MEX3A: variants seen among roughly 807,000 people sequenced by gnomAD.
MEX3A encodes the protein mex-3 RNA binding family member A.
A neutral mutation model predicts 30.0 loss-of-function variants in MEX3A; 4 were observed. That is an observed-to-expected ratio of 0.13 (90% CI 0.07 to 0.30). The LOEUF (loss-of-function observed/expected upper bound fraction) is 0.30. MEX3A is among the 10% of genes least tolerant of loss of function. The pLI, the probability that MEX3A is intolerant of heterozygous loss-of-function variation, is 1.00. For missense variants in MEX3A, 555 were observed against 736.7 expected (o/e 0.75, Z 2.86); for synonymous variants, 335 against 327.6 (o/e 1.02, Z -0.24).
Position 156,076,657 on chromosome 1 carries a change from C to T in MEX3A, c.1480G>A (p.Ala494Thr), listed in dbSNP as rs1222845697. Residue 494 changes from alanine to threonine, a missense_variant, in exon 2 of 2, where the codon GCA becomes ACA. Physicochemically the swap from Ala to Thr is moderately conservative, Grantham distance 58. Coordinates refer to ENST00000532414, the MANE Select transcript of MEX3A (RefSeq NM_001093725.2). The surrounding 1 kb of genome is among the most constrained non-coding windows in gnomAD (Gnocchi z 6.0). ...CGHNLFCMEC[A>T]VRICERTDPE... ...TCCGTCCTCTCGCAGATGCGTACTG[C>T]ACACTCCATGCAGAACAGGTTGTGT... The T allele has an allele frequency of 6.2e-7, 1 of 1,614,010 alleles. No homozygotes were observed. The highest frequency in any genetic ancestry group is 8.5e-7 in the Non-Finnish European group (1 of 1,179,904).
At position 156,076,446 on chromosome 1, in the gene MEX3A, C is replaced by A. The variant is rs112037805; in HGVS notation, c.*128G>T. The A allele has an allele frequency of 6.5e-5, 64 of 992,124 alleles. No individual in the cohort carries two copies. Among genetic ancestry groups the A allele is most frequent in the Non-Finnish European group, 8.6e-5 (60 of 695,168 alleles). The allele number at this position is 992,124 out of a possible 1,614,324, so 61.5% of individuals were successfully genotyped here. A position where few individuals can be genotyped will look rare whatever the true frequency, so the allele number is the denominator to read the frequency against. On this transcript the variant is annotated 3_prime_UTR_variant, in exon 2 of 2. Transcript: ENST00000532414. This position sits in a 1 kb window ranked among gnomAD's most constrained non-coding sequence, Gnocchi z 6.0. ...TCCAGCCACCACTGCCTCCCTCCCC[C>A]CTTCCCCAGCGAGCGAGTATCTCTA...
At position 156,076,531 on chromosome 1, in the gene MEX3A, G is replaced by A; in HGVS notation, c.*43C>T. ...GGCTTTAGTGGAAAACAGGTCCAGG[G>A]TGGGCCCAGTGGAGTGGGCCCCGGA... On this transcript the variant is annotated 3_prime_UTR_variant, in exon 2 of 2. Coordinates refer to ENST00000532414, the MANE Select transcript of MEX3A (RefSeq NM_001093725.2). This position sits in a 1 kb window ranked among gnomAD's most constrained non-coding sequence, Gnocchi z 6.0. The A allele has an allele frequency of 6.4e-7, 1 of 1,554,306 alleles. No individual in the cohort carries two copies.
At position 156,075,591 on chromosome 1, in the gene MEX3A, T is replaced by A. The variant is rs1383736464; in HGVS notation, c.*983A>T. 6.6e-6 allele frequency: 1 copy of A among 152,386 alleles called. No individual in the cohort carries two copies. Among genetic ancestry groups the A allele is most frequent in the Non-Finnish European group, 1.5e-5 (1 of 67,986 alleles). 9.4% of individuals were successfully genotyped at this position (152,386 alleles called of 1,614,324 possible). A position where few individuals can be genotyped will look rare whatever the true frequency, so the allele number is the denominator to read the frequency against. On this transcript the variant is annotated 3_prime_UTR_variant, in exon 2 of 2. Coordinates refer to ENST00000532414, the MANE Select transcript of MEX3A (RefSeq NM_001093725.2). The stretch of plus-strand genomic sequence containing the variant: ...AATTTGAGATGTTTCTTTGGAGGAG[T>A]GGGGGAGAGGGCCTCCAGATGCCTG...
chr1:156,077,831 G>T lies in MEX3A; in HGVS notation c.455-149C>A. The T allele has an allele frequency of 1.7e-6, 2 of 1,189,912 alleles. No individual in the cohort carries two copies. Among genetic ancestry groups the T allele is most frequent in the Non-Finnish European group, 2.3e-6 (2 of 878,676 alleles). 73.7% of individuals were successfully genotyped at this position (1,189,912 alleles called of 1,614,324 possible). Reference sequence around the variant, plus strand: ...TGAAATGCCCACTGCTGCACACACAGTCCACCCTGACTTGAAGAAACCATT... The same window carrying T: ...TGAAATGCCCACTGCTGCACACACATTCCACCCTGACTTGAAGAAACCATT... On this transcript the variant is annotated intron_variant, in intron 1 of 1. Transcript: ENST00000532414. This position sits in a 1 kb window ranked among gnomAD's most constrained non-coding sequence, Gnocchi z 8.3.
chr1:156,081,775 G>T lies in MEX3A; in HGVS notation c.224C>A (p.Ala75Asp). Residue 75 changes from alanine (A) to aspartate (D), a missense_variant, in exon 1 of 2, where the codon GCC becomes GAC. Around this residue, in one of 6 missense-constraint regions of MEX3A, gnomAD observed 159 missense variants for 159.9 expected, o/e 0.99. Coordinates refer to ENST00000532414, the MANE Select transcript of MEX3A (RefSeq NM_001093725.2). Reference protein sequence around the residue: ...GGGGAPAQPAAPPQPAPPPPP... With the variant: ...GGGGAPAQPADPPQPAPPPPP... ...CGGCGGCGGGGCCGGCTGCGGGGGGGCGGCCGGCTGCGCGGGGGCGCCGCC... is the reference window on the plus strand; with the variant it reads ...CGGCGGCGGGGCCGGCTGCGGGGGGTCGGCCGGCTGCGCGGGGGCGCCGCC... 1.2e-6 allele frequency: 1 copy of T among 832,026 alleles called. No individual in the cohort carries two copies. The highest frequency in any genetic ancestry group is 1.5e-6 in the Non-Finnish European group (1 of 684,110). The allele number at this position is 832,026 out of a possible 1,614,324, so 51.5% of individuals were successfully genotyped here.
rs987004695 is a variant in MEX3A, at chr1:156,074,232, A to G, written c.*2342T>C. The G allele has an allele frequency of 3.9e-5, 6 of 152,164 alleles. No individual in the cohort carries two copies. In the East Asian group the frequency reaches 1.2e-3, roughly 29 times the overall value. The allele number at this position is 152,164 out of a possible 1,614,324, so 9.4% of individuals were successfully genotyped here. ...TCCCTACATATATTCTAAACCTTCTAAAGTTTTTTTATTTTTTTAAGGATC... is the reference window on the plus strand; with the variant it reads ...TCCCTACATATATTCTAAACCTTCTGAAGTTTTTTTATTTTTTTAAGGATC... On this transcript the variant is annotated 3_prime_UTR_variant, in exon 2 of 2. Transcript: ENST00000532414.
intron 1 of MEX3A, among the ~76,000 whole-genome samples, chr1:156,080,491 C>G (rs1558102050): frequency 6.6e-6 from 1 of 152,192 alleles, no homozygotes; most frequent in Non-Finnish European, 1.5e-5. Context: ...CACTGTGGGA[C>G]AGCTCCTCCC....
In MEX3A at chr1:156,075,627, G is replaced by T. The variant is rs1178539053; in HGVS notation, c.*947C>A. ...GCCTCCAGATGCCTGAAGAGGAATG[G>T]AGGGACCATCCAAATATTCCTCCCC... On this transcript the variant is annotated 3_prime_UTR_variant, in exon 2 of 2. Transcript: ENST00000532414. The T allele has an allele frequency of 6.5e-6, 1 of 152,790 alleles. No homozygotes were observed. The highest frequency in any genetic ancestry group is 1.5e-5 in the Non-Finnish European group (1 of 68,088). The allele number at this position is 152,790 out of a possible 1,614,324, so 9.5% of individuals were successfully genotyped here.
intron 1 of MEX3A, 101 bp downstream of exon 1, chr1:156,081,444 A>G: frequency 9.6e-7 from 1 of 1,040,746 alleles, no homozygotes; most frequent in South Asian, 1.4e-5. Flanking sequence ...GGGAAGGGAC[A>G]GAGCCGGAGG....
chr1:156,078,573 A>G (rs530167567), intron 1 of MEX3A, among the ~76,000 whole-genome samples: 4 of 152,228 alleles, frequency 2.6e-5, no homozygotes, highest in South Asian at 4.1e-4. Context: ...GCAGGAAGAG[A>G]AAGAAGAAAA....
At position 156,076,598 on chromosome 1, in the gene MEX3A, C is replaced by T. The variant is rs1558100702; in HGVS notation, c.1539G>A (p.Thr513=). 1.2e-6 allele frequency: 2 copies of T among 1,612,858 alleles called. No homozygotes were observed. The highest frequency in any genetic ancestry group is 8.5e-7 in the Non-Finnish European group (1 of 1,179,154). Residue 513 remains threonine (T), a synonymous_variant, in exon 2 of 2, where the codon ACG becomes ACA. Coordinates refer to ENST00000532414, the MANE Select transcript of MEX3A (RefSeq NM_001093725.2). The surrounding 1 kb of genome is among the most constrained non-coding windows in gnomAD (Gnocchi z 6.0). ...CTTAGGAGAATATTCGGATGGCTTG[C>T]GTGGCTGTGATGTGGCAGACGGGAC... ...PECPVCHITA[T]QAIRIFS
rs1197857316 is a variant in MEX3A, at chr1:156,073,840, G to T, written c.*2734C>A. Reference sequence around the variant, plus strand: ...ATTCCCCCTCCTCACTTGCCCCTGCGACAGGGCAGGGGAAAGTGGTGGGGG... The same window carrying T: ...ATTCCCCCTCCTCACTTGCCCCTGCTACAGGGCAGGGGAAAGTGGTGGGGG... On this transcript the variant is annotated 3_prime_UTR_variant, in exon 2 of 2. Transcript: ENST00000532414. 2.6e-5 allele frequency: 4 copies of T among 152,656 alleles called. No individual in the cohort carries two copies. Among genetic ancestry groups the T allele is most frequent in the Non-Finnish European group, 5.9e-5 (4 of 68,010 alleles). The allele number at this position is 152,656 out of a possible 1,614,324, so 9.5% of individuals were successfully genotyped here. A position where few individuals can be genotyped will look rare whatever the true frequency, so the allele number is the denominator to read the frequency against.
intron 1 of MEX3A, 110 bp downstream of exon 1, chr1:156,081,435 G>A (rs1648232796): frequency 1.1e-6 from 1 of 944,244 alleles, no homozygotes; most frequent in Non-Finnish European, 1.6e-6. Context: ...CCCTTTGTGG[G>A]GAAGGGACAG....
chr1:156,081,648 A>T lies in MEX3A; in HGVS notation c.351T>A (p.Ala117=). Residue 117 remains alanine, a synonymous_variant, in exon 1 of 2, where the codon GCT becomes GCA. Coordinates refer to ENST00000532414, the MANE Select transcript of MEX3A (RefSeq NM_001093725.2). ...PKGASDAKLC[A]LYKEAELRLK... ...GGCGCAGCTCGGCCTCTTTGTAGAGAGCGCAGAGCTTGGCGTCGCTCGCCC... is the reference window on the plus strand; with the variant it reads ...GGCGCAGCTCGGCCTCTTTGTAGAGTGCGCAGAGCTTGGCGTCGCTCGCCC... 2.6e-6 allele frequency: 4 copies of T among 1,540,964 alleles called. No homozygotes were observed. Among genetic ancestry groups the T allele is most frequent in the Non-Finnish European group, 2.6e-6 (3 of 1,145,448 alleles).
chr1:156,080,531 T>C (rs1210909618), intron 1 of MEX3A, among the ~76,000 whole-genome samples: 1 of 151,858 alleles, frequency 6.6e-6, no homozygotes, highest in Non-Finnish European at 1.5e-5. Context: ...CCCAGCCTCT[T>C]TGCAATTTCC....
At position 156,077,073 on chromosome 1, in the gene MEX3A, C is replaced by T. The variant is rs1367319722; in HGVS notation, c.1064G>A (p.Arg355His). The T allele has an allele frequency of 1.9e-6, 3 of 1,613,778 alleles. No individual in the cohort carries two copies. The highest frequency in any genetic ancestry group is 2.7e-5 in the African/African-American group (2 of 74,938). Residue 355 changes from arginine to histidine, a missense_variant, in exon 2 of 2, where the codon CGC (arginine) becomes CAC (histidine). By Grantham distance (29) the Arg-to-His change is conservative. Coordinates refer to ENST00000532414, the MANE Select transcript of MEX3A (RefSeq NM_001093725.2). This position sits in a 1 kb window ranked among gnomAD's most constrained non-coding sequence, Gnocchi z 8.3. ...AAAGTCCCCGCCCTGCTCACCCAGG[C>T]GTGGGGCCTCAAAGCCAGAGTCCAC... is the stretch of plus-strand genomic sequence containing the variant. ...CGVDSGFEAPRLGEQGGDFGY... is the reference protein window; with the variant it reads ...CGVDSGFEAPHLGEQGGDFGY...
In MEX3A at chr1:156,073,123, C is replaced by T. The variant is rs114949117; in HGVS notation, c.*3451G>A. The stretch of plus-strand genomic sequence containing the variant: ...TAAATCAATCTGTAGAGAAGTGGAC[C>T]GAGGTCACACTTCAAGAAGGACTTC... On this transcript the variant is annotated 3_prime_UTR_variant, in exon 2 of 2. Transcript: ENST00000532414. 4.7e-3 allele frequency: 712 copies of T among 152,740 alleles called. 2 individuals are homozygous for T. The highest frequency in any genetic ancestry group is 6.0e-3 in the African/African-American group (247 of 41,506). 9.5% of individuals were successfully genotyped at this position (152,740 alleles called of 1,614,324 possible).
rs933479758 is a variant in MEX3A at position 156,072,107 on chromosome 1, A to G, written c.*4467T>C. ...TTGGTTTCTCTGCATTTTGTGCAAC[A>G]TCACTTTGACTTGATTATTCTTGGG... On this transcript the variant is annotated 3_prime_UTR_variant, in exon 2 of 2. Coordinates refer to ENST00000532414, the MANE Select transcript of MEX3A (RefSeq NM_001093725.2). 8 of 152,814 alleles carry G rather than the reference A, an allele frequency of 5.2e-5. No homozygotes were observed. Among genetic ancestry groups the G allele is most frequent in the Admixed American group, 3.9e-4 (6 of 15,290 alleles). The allele number at this position is 152,814 out of a possible 1,614,324, so 9.5% of individuals were successfully genotyped here. A position where few individuals can be genotyped will look rare whatever the true frequency, so the allele number is the denominator to read the frequency against.
rs780149226 is a variant in MEX3A, at chr1:156,077,210, G to T, written c.927C>A (p.Pro309=). ...AGTAGCGGCTATCGATTGCTGCGTC[G>T]GGGCTCCCCGCCAGGAAGTCGTTTT... ...NNENDFLAGS[P]DAAIDSRYSD... Residue 309 remains proline (P), a synonymous_variant, in exon 2 of 2, where the codon CCC becomes CCA. Coordinates refer to ENST00000532414, the MANE Select transcript of MEX3A (RefSeq NM_001093725.2). This position sits in a 1 kb window ranked among gnomAD's most constrained non-coding sequence, Gnocchi z 8.3. 6.2e-7 allele frequency: 1 copy of T among 1,613,452 alleles called. No individual in the cohort carries two copies. Among genetic ancestry groups the T allele is most frequent in the Non-Finnish European group, 8.5e-7 (1 of 1,179,864 alleles).
Sources: allele counts gnomAD v4.1 joint callset (sites outside exome capture counted in the v4.1 genomes callset), GRCh38; gene constraint gnomAD v4.1.1; regional missense constraint gnomAD v4.1.1; non-coding constraint Gnocchi (gnomAD v3.1); transcripts MANE v1.5; gene names NCBI Gene and HGNC (gene_info 2026-07-23, HGNC 2026-07-21).